RP1: variants seen among roughly 807,000 people sequenced by gnomAD.
The protein encoded by RP1 is oxygen-regulated protein 1.
A neutral mutation model predicts 14.8 loss-of-function variants in RP1; 16 were observed. The ratio of observed to expected loss-of-function variants is 1.08; its 90% CI spans 0.73 to 1.65. RP1 has a LOEUF of 1.65. RP1 is among the 40% of genes most tolerant of loss of function. The pLI is 0.00. For missense variants in RP1, 2,631 were observed against 2,535.0 expected (o/e 1.04, Z -0.81); for synonymous variants, 876 against 883.6 (o/e 0.99, Z 0.15).
intron 1 of RP1, among the ~76,000 whole-genome samples, chr8:54,601,598 GA>G (rs1296926931): frequency 0.046 from 4,350 of 93,584 alleles, 131 homozygotes; most frequent in African/African-American, 0.11. Context: ...AAAAAACTTA[GA>G]AAAAAAAAAA....
chr8:54,597,274 G>A (rs1181440195), intron 1 of RP1, among the ~76,000 whole-genome samples: 1 of 151,864 alleles, frequency 6.6e-6, no homozygotes. Flanking sequence ...GGAAAAACAG[G>A]GATAATAATA....
intron 6 of RP1, among the ~76,000 whole-genome samples, chr8:54,656,512 T>A (rs543960901): frequency 6.6e-6 from 1 of 152,050 alleles, no homozygotes; most frequent in Non-Finnish European, 1.5e-5. Flanking sequence ...TCAAATGACG[T>A]TCCTCCAGGG....
At chr8:54,591,593 A>G (rs1230237948) in intron 1 of RP1, among the ~76,000 whole-genome samples, 3 of 152,056 alleles carry the variant, frequency 2.0e-5, no homozygotes, top group Non-Finnish European at 1.5e-5. Context: ...TTATTTATCA[A>G]CTTGCTTGTT....
chr8:54,764,473 C>T (rs1809716229), intron 22 of RP1, among the ~76,000 whole-genome samples: 1 of 152,198 alleles, frequency 6.6e-6, no homozygotes, highest in South Asian at 2.1e-4. Flanking sequence ...CCTGAAGCTA[C>T]AGGTTGGGAA....
At chr8:54,701,701 T>G (rs1808025164) in intron 14 of RP1, 1 of 1,514,104 alleles carries the variant, frequency 6.6e-7, no homozygotes, top group African/African-American at 1.4e-5. Flanking sequence ...TATTGCTAAA[T>G]CCCAACTTTC....
At chr8:54,852,895 G>A (rs568857718) in intron 26 of RP1, among the ~76,000 whole-genome samples, 25 of 152,334 alleles carry the variant, frequency 1.6e-4, no homozygotes, top group Admixed American at 2.0e-4. Flanking sequence ...CTGGAGTTGA[G>A]TAGAGGATGG....
At chr8:54,847,318 C>T (rs1022374679) in intron 25 of RP1, among the ~76,000 whole-genome samples, 5 of 152,152 alleles carry the variant, frequency 3.3e-5, no homozygotes, top group African/African-American at 7.2e-5. Flanking sequence ...TTGTTCTAGA[C>T]CTTACTCAGA....
intron 19 of RP1, among the ~76,000 whole-genome samples, chr8:54,751,858 C>G (rs1461720677): frequency 6.6e-6 from 1 of 152,122 alleles, no homozygotes; most frequent in East Asian, 1.9e-4. Flanking sequence ...CGAAGGTAAA[C>G]GGAACTCACT....
rs772761097 is a variant in RP1, at chr8:54,629,444, G to C, written c.5562G>C (p.Glu1854Asp). The C allele has an allele frequency of 3.1e-6, 5 of 1,614,156 alleles. No individual in the cohort carries two copies. Among genetic ancestry groups the C allele is most frequent in the Non-Finnish European group, 3.4e-6 (4 of 1,179,996 alleles). The stretch of plus-strand genomic sequence containing the variant: ...GAATAGCAAATCATCATACAGAGGA[G>C]AAGGGTAGTCATCAGTCAGAAAGAG... ...KERIANHHTE[E>D]KGSHQSERVC... The change falls in exon 4 of 4, where the codon GAG becomes GAC. Residue 1854 changes from glutamate to aspartate, a missense_variant. Coordinates refer to ENST00000220676, the MANE Select transcript of RP1 (RefSeq NM_006269.2).
At chr8:54,867,734 A>G (rs1220946111) in intron 28 of RP1, among the ~76,000 whole-genome samples, 1 of 152,238 alleles carries the variant, frequency 6.6e-6, no homozygotes, top group Non-Finnish European at 1.5e-5. Flanking sequence ...TCATGTGTCT[A>G]GTATTTAGAA....
intron 25 of RP1, among the ~76,000 whole-genome samples, chr8:54,843,161 G>A (rs1811828347): frequency 6.6e-6 from 1 of 152,146 alleles, no homozygotes. Flanking sequence ...TCAACCTCCT[G>A]AGTAGCTGGG....
chr8:54,849,194 G>A (rs904165807), intron 25 of RP1, among the ~76,000 whole-genome samples: 24 of 152,220 alleles, frequency 1.6e-4, no homozygotes, highest in African/African-American at 5.3e-4. Flanking sequence ...AACTCTGAAG[G>A]AGGCTACAGT....
At chr8:54,864,103 C>T (rs1326365786) in intron 27 of RP1, among the ~76,000 whole-genome samples, 4 of 152,048 alleles carry the variant, frequency 2.6e-5, no homozygotes, top group Non-Finnish European at 5.9e-5. Flanking sequence ...CATAATTTAC[C>T]ACCATGAAAG....
At chr8:54,839,185 C>T (rs1000692111) in intron 25 of RP1, among the ~76,000 whole-genome samples, 2 of 152,288 alleles carry the variant, frequency 1.3e-5, no homozygotes, top group East Asian at 1.9e-4. Flanking sequence ...GGTTTAAATG[C>T]TTGATTCTTT....
rs746083306 is a variant in RP1 at position 54,625,511 on chromosome 8, T to C, written c.1629T>C (p.Ser543=). 58 of 1,613,954 alleles carry C rather than the reference T, an allele frequency of 3.6e-5. No individual in the cohort carries two copies. The South Asian group carries it at 6.0e-4, about 17-fold the overall frequency. Residue 543 remains serine, a synonymous_variant, in exon 4 of 4, where the codon AGT becomes AGC. Transcript: ENST00000220676. ...AGGAAAACAGTCTGCTTAAGTCAAG[T>C]GCAATAAGTGCTGGTGTTATAGAAA... ...RKKENSLLKS[S]AISAGVIEIT... is the part of the protein sequence containing the mutation.
chr8:54,606,611 T>G (rs183208993), intron 1 of RP1, among the ~76,000 whole-genome samples: 21 of 152,342 alleles, frequency 1.4e-4, no homozygotes, highest in Middle Eastern at 3.4e-3. Flanking sequence ...TTGGGGAAGT[T>G]CTCCTGGTTA....
intron 27 of RP1, among the ~76,000 whole-genome samples, chr8:54,859,491 A>G (rs112835227): frequency 2.0e-3 from 293 of 150,010 alleles, no homozygotes; most frequent in African/African-American, 6.8e-3. Flanking sequence ...CGTTGTCACT[A>G]TGGAGTGGTA....
chr8:54,568,485 A>C (rs978088672), intron 1 of RP1, among the ~76,000 whole-genome samples: 5 of 152,174 alleles, frequency 3.3e-5, no homozygotes, highest in African/African-American at 7.2e-5. Context: ...GTTGTTGAAG[A>C]TATTTTATCT....
intron 24 of RP1, among the ~76,000 whole-genome samples, chr8:54,825,080 C>T (rs1811356285): frequency 6.6e-6 from 1 of 152,116 alleles, no homozygotes; most frequent in Non-Finnish European, 1.5e-5. Flanking sequence ...CGCCATTCTC[C>T]TGCCTCAGCC....
Sources: allele counts gnomAD v4.1 joint callset (sites outside exome capture counted in the v4.1 genomes callset), GRCh38; gene constraint gnomAD v4.1.1; transcripts MANE v1.5; gene names NCBI Gene and HGNC (gene_info 2026-07-23, HGNC 2026-07-21).